Variants in PSKH1 observed in about 807,000 individuals in gnomAD.
PSKH1 encodes protein serine kinase H1, also known as serine/threonine-protein kinase H1.
A neutral mutation model predicts 26.7 loss-of-function variants in PSKH1; 12 were observed. The observed-to-expected ratio is 0.45, with a 90% CI of 0.29 to 0.73. The LOEUF is 0.73. Among genes scored for constraint, PSKH1 ranks in the 30% least tolerant of loss-of-function variants. The pLI is 0.11. For synonymous variants in PSKH1, 213 were observed against 234.3 expected, an observed-to-expected ratio of 0.91 and a Z score of 0.83; for missense variants, 431 against 595.2, an observed-to-expected ratio of 0.72 and a Z score of 2.87.
chr16:67,917,318 G>A (rs1004002130), intron 2 of PSKH1, among the ~76,000 whole-genome samples: 3 of 152,230 alleles, frequency 2.0e-5, no homozygotes, highest in Admixed American at 6.5e-5. Flanking sequence ...GTCTAGTGCT[G>A]CAGTCTGCTC....
chr16:67,916,321 C>G (rs553834745), intron 2 of PSKH1, among the ~76,000 whole-genome samples: 1 of 152,134 alleles, frequency 6.6e-6, no homozygotes, highest in African/African-American at 2.4e-5. Flanking sequence ...TTCCCTGACC[C>G]CATAGAGTGC....
intron 2 of PSKH1, among the ~76,000 whole-genome samples, chr16:67,914,743 CG>C (rs2058182409): frequency 6.6e-6 from 1 of 152,166 alleles, no homozygotes. Flanking sequence ...CGTGAGCCAC[CG>C]CACCCGGTGA....
At chr16:67,908,030 C>T (rs890304610) in intron 1 of PSKH1, among the ~76,000 whole-genome samples, 14 of 152,122 alleles carry the variant, frequency 9.2e-5, no homozygotes, top group African/African-American at 2.9e-4. Flanking sequence ...CATGGGCCTT[C>T]GGCTAGGATA....
intron 2 of PSKH1, among the ~76,000 whole-genome samples, chr16:67,919,485 T>C (rs2058196261): frequency 6.6e-6 from 1 of 152,192 alleles, no homozygotes; most frequent in African/African-American, 2.4e-5. Context: ...GTGCTGTCTG[T>C]GTGTGAGGAT....
chr16:67,894,370 G>A (rs566485199), intron 1 of PSKH1, among the ~76,000 whole-genome samples: 7 of 152,270 alleles, frequency 4.6e-5, no homozygotes, highest in Middle Eastern at 3.4e-3. Context: ...GCCAGAGCTG[G>A]CTTCAAGAGA....
In PSKH1 at chr16:67,928,174, C is replaced by G. The variant is rs951698971; in HGVS notation, c.*532C>G. On this transcript the variant is annotated 3_prime_UTR_variant, in exon 3 of 3. Transcript: ENST00000291041. This position sits in a 1 kb window ranked among gnomAD's most constrained non-coding sequence, Gnocchi z 4.8. ...ACAAAGCTTGTGCCTTGACTGGACC[C>G]GTAGCCCCTGGCTAGGTCGAAACAG... The G allele has an allele frequency of 6.5e-6, 1 of 153,400 alleles. No homozygotes were observed. The highest frequency in any genetic ancestry group is 2.4e-5 in the African/African-American group (1 of 41,482). 9.5% of individuals were successfully genotyped at this position (153,400 alleles called of 1,614,324 possible).
chr16:67,912,788 A>G (rs1020128001), intron 2 of PSKH1, among the ~76,000 whole-genome samples: 1 of 152,114 alleles, frequency 6.6e-6, no homozygotes, highest in Admixed American at 6.5e-5. Flanking sequence ...GAATCACTTG[A>G]ACCCATGAGG....
At chr16:67,895,698 T>C (rs6499145) in intron 1 of PSKH1, among the ~76,000 whole-genome samples, 47,520 of 152,004 alleles carry the variant, frequency 0.31, 10,998 homozygotes, top group African/African-American at 0.66. Flanking sequence ...TGAGCCACCA[T>C]GTCTGGCCAG....
intron 1 of PSKH1, among the ~76,000 whole-genome samples, chr16:67,897,172 T>G (rs1271706858): frequency 1.3e-5 from 2 of 152,202 alleles, no homozygotes; most frequent in Non-Finnish European, 2.9e-5. Flanking sequence ...ATAGTATCAT[T>G]CTATCATTCT....
intron 1 of PSKH1, among the ~76,000 whole-genome samples, chr16:67,898,292 G>A (rs2058131981): frequency 6.6e-6 from 1 of 152,148 alleles, no homozygotes; most frequent in African/African-American, 2.4e-5. Flanking sequence ...AGGCATCCTA[G>A]GTACTCGGGG....
intron 1 of PSKH1, 23 bp downstream of exon 1, chr16:67,893,394 G>T (rs2058117159): frequency 6.6e-6 from 1 of 152,366 alleles, no homozygotes. Context: ...GGCCCAGGAC[G>T]ACGGCCCGAC....
chr16:67,903,886 G>C (rs1181099672), intron 1 of PSKH1, among the ~76,000 whole-genome samples: 1 of 119,362 alleles, frequency 8.4e-6, no homozygotes, highest in African/African-American at 3.3e-5. Context: ...GTCTTTCTCT[G>C]TCACCCAGGC....
chr16:67,902,191 T>C (rs140234541), intron 1 of PSKH1, among the ~76,000 whole-genome samples: 5,942 of 150,792 alleles, frequency 0.039, 361 homozygotes, highest in African/African-American at 0.13. Flanking sequence ...ACCTGGGAAG[T>C]GGAGGTTGCA....
intron 2 of PSKH1, among the ~76,000 whole-genome samples, chr16:67,919,858 C>T (rs1434612518): frequency 6.6e-6 from 1 of 152,230 alleles, no homozygotes; most frequent in East Asian, 1.9e-4. Flanking sequence ...CCCCAGAGCC[C>T]TGTCCTCTAG....
chr16:67,927,031 C>T lies in PSKH1; in HGVS notation c.958-294C>T, dbSNP rs902917203. Among the ~76,000 whole-genome samples, 2 of 152,080 alleles carry T rather than the reference C, an allele frequency of 1.3e-5. No homozygotes were observed. The highest frequency in any genetic ancestry group is 2.1e-4 in the South Asian group (1 of 4,824). On this transcript the variant is annotated intron_variant, in intron 2 of 2. Coordinates refer to ENST00000291041, the MANE Select transcript of PSKH1 (RefSeq NM_006742.3). This position sits in a 1 kb window ranked among gnomAD's most constrained non-coding sequence, Gnocchi z 5.5. ...AGTTATGATACTCCTGGGACAAGTT[C>T]GGGGGGGTCTTGGCAGAGGCCATCT...
At position 67,907,214 on chromosome 16, in the gene PSKH1, C is replaced by T. The variant is rs113847073; in HGVS notation, c.-70-1466C>T. Among the ~76,000 whole-genome samples the T allele has an allele frequency of 8.0e-3, 1,221 of 151,760 alleles. 19 individuals carry two copies. The highest frequency in any genetic ancestry group is 0.029 in the African/African-American group (1,180 of 41,374). On this transcript the variant is annotated intron_variant, in intron 1 of 2. Transcript: ENST00000291041. ...TCCTGACCTTGTGATCCGCCCGCCT[C>T]GGTCTCCCAAAGTGCTGAGGTTACA... is the stretch of plus-strand genomic sequence containing the variant.
At chr16:67,916,327 A>C (rs1184711612) in intron 2 of PSKH1, among the ~76,000 whole-genome samples, 3 of 152,044 alleles carry the variant, frequency 2.0e-5, no homozygotes, top group Non-Finnish European at 4.4e-5. Flanking sequence ...GACCCCATAG[A>C]GTGCTCTCCC....
At chr16:67,920,137 T>C (rs577801759) in intron 2 of PSKH1, among the ~76,000 whole-genome samples, 1 of 152,278 alleles carries the variant, frequency 6.6e-6, no homozygotes, top group Non-Finnish European at 1.5e-5. Context: ...CTCCTGTCTT[T>C]TCATTGTCTG....
intron 2 of PSKH1, among the ~76,000 whole-genome samples, chr16:67,910,320 G>A (rs555473250): frequency 6.6e-6 from 1 of 152,344 alleles, no homozygotes; most frequent in Admixed American, 6.5e-5. Context: ...GGGGTGGGCT[G>A]AGAGGATGTG....
Sources: allele counts gnomAD v4.1 joint callset (sites outside exome capture counted in the v4.1 genomes callset), GRCh38; gene constraint gnomAD v4.1.1; non-coding constraint Gnocchi (gnomAD v3.1); transcripts MANE v1.5; gene names NCBI Gene and HGNC (gene_info 2026-07-23, HGNC 2026-07-21).